ADD1: variants seen among roughly 807,000 people sequenced by gnomAD.
ADD1 encodes the protein alpha-adducin.
A neutral mutation model predicts 80.5 loss-of-function variants in ADD1; 24 were observed. The ratio of observed to expected loss-of-function variants is 0.30; its 90% CI spans 0.22 to 0.42. ADD1 has a LOEUF of 0.42. Ranked by LOEUF, ADD1 falls within the 10% of genes least tolerant of loss-of-function variation. ADD1 has a pLI of 1.00. For synonymous variants in ADD1, 373 were observed against 393.8 expected (o/e 0.95, Z 0.63); for missense variants, 948 against 1,019.0 (o/e 0.93, Z 0.95).
intron 10 of ADD1, 60 bp from the exon 11 acceptor site, chr4:2,907,683 G>A: frequency 1.5e-6 from 2 of 1,355,268 alleles, no homozygotes; most frequent in Non-Finnish European, 2.1e-6. Flanking sequence ...GAATAGATTG[G>A]ATGCTATGTC....
intron 14 of ADD1, among the ~76,000 whole-genome samples, chr4:2,918,447 T>A (rs1031849694): frequency 6.6e-6 from 1 of 152,228 alleles, no homozygotes; most frequent in Admixed American, 6.5e-5. Flanking sequence ...TATACAATCA[T>A]GTCATCTGAA....
chr4:2,854,003 A>C (rs1432537452), intron 1 of ADD1, among the ~76,000 whole-genome samples: 7 of 152,130 alleles, frequency 4.6e-5, no homozygotes, highest in African/African-American at 1.7e-4. Context: ...ATATGACATG[A>C]ATGTTTATAA....
In ADD1 at chr4:2,876,104, A is replaced by C. The variant is rs1290513404; in HGVS notation, c.189A>C (p.Gln63His). 1 of 1,611,806 alleles carries C rather than the reference A, an allele frequency of 6.2e-7. No individual in the cohort carries two copies. The highest frequency in any genetic ancestry group is 1.3e-5 in the African/African-American group (1 of 74,788). Reference protein sequence around the residue: ...EQKKRVSMILQSPAFCEELES... With the variant: ...EQKKRVSMILHSPAFCEELES... ...AGAAGAGGGTGTCCATGATTCTGCA[A>C]AGCCCTGTGAGAAGAGAAGTCTTTT... Residue 63 changes from glutamine to histidine, a missense_variant, in exon 2 of 16, where the codon CAA becomes CAC. By Grantham distance (24) the Gln-to-His change is conservative. Transcript: ENST00000683351.
intron 9 of ADD1, chr4:2,901,858 C>CCCA (rs397951227): frequency 6.1e-5 from 9 of 146,664 alleles, no homozygotes; most frequent in East Asian, 4.2e-4. Flanking sequence ...GTCCCCCCCC[C>CCCA]AAAAAAAATC....
At chr4:2,910,219 T>A (rs943499771) in intron 13 of ADD1, among the ~76,000 whole-genome samples, 2 of 151,014 alleles carry the variant, frequency 1.3e-5, no homozygotes, top group African/African-American at 4.9e-5. Flanking sequence ...AGCTGAGAGG[T>A]ATGTTTATAT....
At chr4:2,855,699 T>G (rs1727950632) in intron 1 of ADD1, among the ~76,000 whole-genome samples, 1 of 151,762 alleles carries the variant, frequency 6.6e-6, no homozygotes, top group Non-Finnish European at 1.5e-5. Context: ...GTGCACAAGT[T>G]TTTTTCTTTT....
At position 2,910,833 on chromosome 4, in the gene ADD1, A is replaced by G. The variant is rs564010210; in HGVS notation, c.1791+1402A>G. On this transcript the variant is annotated intron_variant, in intron 13 of 15. Transcript: ENST00000683351. Reference sequence around the variant, plus strand: ...AGTGCTGCATCCAGGTGTCATTAGCAGAGAATACCACTGTACGCTGACCCC... The same window carrying G: ...AGTGCTGCATCCAGGTGTCATTAGCGGAGAATACCACTGTACGCTGACCCC... 2.0e-5 allele frequency among the ~76,000 whole-genome samples: 3 copies of G among 152,302 alleles called. 1 individual carries two copies. The East Asian group carries it at 5.8e-4, about 29-fold the overall frequency.
chr4:2,873,736 A>G (rs1380588217), intron 1 of ADD1, among the ~76,000 whole-genome samples: 1 of 152,226 alleles, frequency 6.6e-6, no homozygotes, highest in Non-Finnish European at 1.5e-5. Flanking sequence ...TTGAAACACG[A>G]AGCAGAACAT....
chr4:2,914,964 C>T lies in ADD1; in HGVS notation c.1872C>T (p.Asn624=), dbSNP rs1276001683. ...PHVIVSTTGP[N]PFTTLTDREL... ...TCATTGTGAGCACCACGGGCCCCAA[C>T]CCCTTCACCACACTCACAGACCGTG... Residue 624 remains asparagine (N), a synonymous_variant, in exon 14 of 16, where the codon AAC becomes AAT. Coordinates refer to ENST00000683351, the MANE Select transcript of ADD1 (RefSeq NM_001354761.2). The T allele has an allele frequency of 1.2e-6, 2 of 1,614,034 alleles. No homozygotes were observed.
intron 14 of ADD1, among the ~76,000 whole-genome samples, chr4:2,920,657 C>CTTTTTTTTTTTTTTTTTT (rs55649630): frequency 7.3e-6 from 1 of 136,532 alleles, no homozygotes; most frequent in Non-Finnish European, 1.5e-5. Context: ...GCAACTCCTG[C>CTTTTTTTTTTTTTTTTTT]TTTTTTTTTT....
At chr4:2,923,033 G>C (rs988015501) in intron 14 of ADD1, among the ~76,000 whole-genome samples, 1 of 152,234 alleles carries the variant, frequency 6.6e-6, no homozygotes, top group Non-Finnish European at 1.5e-5. Flanking sequence ...TGCTGTGCTG[G>C]CAGCAAGAAT....
chr4:2,853,259 C>T (rs750609440), intron 1 of ADD1: 2 of 152,112 alleles, frequency 1.3e-5, no homozygotes, highest in Non-Finnish European at 2.9e-5. Context: ...TAGGCGCCCA[C>T]CACACCCAGC....
At position 2,928,728 on chromosome 4, in the gene ADD1, T is replaced by G; in HGVS notation, c.*205T>G. On this transcript the variant is annotated 3_prime_UTR_variant, in exon 16 of 16. Transcript: ENST00000683351. ...CCACCCCACCCTGCCCCTTGTCCTCTCAGAGCCTCAGCTTCTGGGGGAGAC... is the reference window on the plus strand; with the variant it reads ...CCACCCCACCCTGCCCCTTGTCCTCGCAGAGCCTCAGCTTCTGGGGGAGAC... 1.9e-6 allele frequency: 1 copy of G among 539,046 alleles called. No homozygotes were observed. Among genetic ancestry groups the G allele is most frequent in the Admixed American group, 4.0e-5 (1 of 25,216 alleles). The allele number at this position is 539,046 out of a possible 1,614,324, so 33.4% of individuals were successfully genotyped here. A position where few individuals can be genotyped will look rare whatever the true frequency, so the allele number is the denominator to read the frequency against.
Position 2,894,113 on chromosome 4 carries a change from TGGCAGCTTGTATGTGCAGGTC to T in ADD1, c.591+21_591+41del. The T allele has an allele frequency of 6.3e-7, 1 of 1,598,602 alleles. No homozygotes were observed. Among genetic ancestry groups the T allele is most frequent in the South Asian group, 1.1e-5 (1 of 90,770 alleles). ...AGTTTGGTAAGAATGTCCTTCTCTT[TGGCAGCTTGTATGTGCAGGTC>T]ATGTTAGGTCATTCAACATCTTCAG... On this transcript the variant is annotated intron_variant, in intron 5 of 15. Coordinates refer to ENST00000683351, the MANE Select transcript of ADD1 (RefSeq NM_001354761.2).
chr4:2,914,864 G>C lies in ADD1; in HGVS notation c.1792-20G>C, dbSNP rs554573353. 1 of 1,598,884 alleles carries C rather than the reference G, an allele frequency of 6.3e-7. No individual in the cohort carries two copies. Among genetic ancestry groups the C allele is most frequent in the African/African-American group, 1.3e-5 (1 of 74,728 alleles). On this transcript the variant is annotated intron_variant, in intron 13 of 15. Coordinates refer to ENST00000683351, the MANE Select transcript of ADD1 (RefSeq NM_001354761.2). The stretch of plus-strand genomic sequence containing the variant: ...CATCGGGCCGGGCTCCTGCAGACCA[G>C]ATGTGCCTTTCATCCACAGGGAGAG...
chr4:2,921,763 C>G (rs1300701352), intron 14 of ADD1, among the ~76,000 whole-genome samples: 4 of 152,182 alleles, frequency 2.6e-5, no homozygotes, highest in Admixed American at 1.3e-4. Context: ...CTGTCACTTT[C>G]AGGCACACCA....
chr4:2,877,235 G>A (rs1731503861), intron 2 of ADD1, among the ~76,000 whole-genome samples: 1 of 151,850 alleles, frequency 6.6e-6, no homozygotes, highest in Admixed American at 6.6e-5. Flanking sequence ...TTCTTCTTCT[G>A]ATTTGTTCTT....
At chr4:2,899,063 GC>G in intron 8 of ADD1, 195 bp from the exon 9 acceptor site, 1 of 601,680 alleles carries the variant, frequency 1.7e-6, no homozygotes. Flanking sequence ...CAACTTTGGT[GC>G]CCAATATTTT....
In ADD1 at chr4:2,926,541, C is replaced by T; in HGVS notation, c.2047+429C>T. The T allele has an allele frequency of 7.8e-7, 1 of 1,276,816 alleles. No individual in the cohort carries two copies. Among genetic ancestry groups the T allele is most frequent in the Non-Finnish European group, 1.1e-6 (1 of 893,694 alleles). 79.1% of individuals were successfully genotyped at this position (1,276,816 alleles called of 1,614,324 possible). The stretch of plus-strand genomic sequence containing the variant: ...TCGTACATCCATGTCTCTCGTGAAG[C>T]CCGTGGCCCTGCCTTTCTTCTTCTG... On this transcript the variant is annotated intron_variant, in intron 15 of 15. Coordinates refer to ENST00000683351, the MANE Select transcript of ADD1 (RefSeq NM_001354761.2). This position sits in a 1 kb window ranked among gnomAD's most constrained non-coding sequence, Gnocchi z 5.0.
Sources: allele counts gnomAD v4.1 joint callset (sites outside exome capture counted in the v4.1 genomes callset), GRCh38; gene constraint gnomAD v4.1.1; non-coding constraint Gnocchi (gnomAD v3.1); transcripts MANE v1.5; gene names NCBI Gene and HGNC (gene_info 2026-07-23, HGNC 2026-07-21).